Variants in PDGFD observed in about 807,000 individuals in gnomAD.
PDGFD encodes the protein platelet derived growth factor D.
In PDGFD, 30 loss-of-function variants were observed where a neutral mutation model predicts 44.7. The ratio of observed to expected loss-of-function variants is 0.67; its 90% confidence interval spans 0.50 to 0.91. PDGFD has a LOEUF of 0.91. PDGFD is among the 40% of genes least tolerant of loss of function. PDGFD has a pLI of 0.00. For synonymous variants in PDGFD, 173 were observed against 168.4 expected (o/e 1.03, Z -0.21); for missense variants, 445 against 457.8 (o/e 0.97, Z 0.25).
At chr11:104,126,834 T>C (rs980750330) in intron 1 of PDGFD, among the ~76,000 whole-genome samples, 9 of 149,144 alleles carry the variant, frequency 6.0e-5, no homozygotes, top group African/African-American at 1.2e-4. Context: ...CAGGAATAGA[T>C]GGAAAGCACT....
chr11:104,065,129 C>T (rs754162303), intron 1 of PDGFD, among the ~76,000 whole-genome samples: 2 of 152,134 alleles, frequency 1.3e-5, no homozygotes, highest in Non-Finnish European at 2.9e-5. Flanking sequence ...ATGCTTTCTG[C>T]CCTCAAACAT....
rs139116611 is a variant in PDGFD, at chr11:104,080,810, G to A, written c.125-80555C>T. 4.6e-5 allele frequency among the ~76,000 whole-genome samples: 7 copies of A among 152,298 alleles called. No individual in the cohort carries two copies. In the East Asian group the frequency reaches 1.2e-3, roughly 25 times the overall value. ...AAAAGACATTGCAGTTTCCACCCTAGCCTCATGAATTGCTCGCTCTGGTTG... is the reference window on the plus strand; with the variant it reads ...AAAAGACATTGCAGTTTCCACCCTAACCTCATGAATTGCTCGCTCTGGTTG... On this transcript the variant is annotated intron_variant, in intron 1 of 6. Transcript: ENST00000393158.
chr11:104,080,168 C>T lies in PDGFD; in HGVS notation c.125-79913G>A, dbSNP rs191035853. ...CTTTTTATGTCTGAGTCATTAAAAT[C>T]TGTTGTTAGCACTGCCCTGATCTAA... On this transcript the variant is annotated intron_variant, in intron 1 of 6. Transcript: ENST00000393158. Among the ~76,000 whole-genome samples the T allele has an allele frequency of 4.6e-3, 695 of 152,256 alleles. 11 individuals carry two copies. The highest frequency in any genetic ancestry group is 0.021 in the South Asian group (101 of 4,824).
At chr11:103,918,461 A>G (rs1858160386) in intron 6 of PDGFD, among the ~76,000 whole-genome samples, 1 of 152,178 alleles carries the variant, frequency 6.6e-6, no homozygotes, top group Non-Finnish European at 1.5e-5. Context: ...AAGGCCTAAT[A>G]ATTTGTGATG....
At chr11:103,935,613 C>T (rs1210686579) in intron 5 of PDGFD, among the ~76,000 whole-genome samples, 1 of 152,090 alleles carries the variant, frequency 6.6e-6, no homozygotes, top group Non-Finnish European at 1.5e-5. Flanking sequence ...TTAAATAAGA[C>T]AATATTTGCC....
Position 104,136,371 on chromosome 11 carries a change from A to T in PDGFD, c.124+27433T>A, listed in dbSNP as rs192356668. ...GAGTGTTTACCTTCCTTTCCTCAAA[A>T]AACCCAGCAATCCTCATCTCCCAGT... On this transcript the variant is annotated intron_variant, in intron 1 of 6. Coordinates refer to ENST00000393158, the MANE Select transcript of PDGFD (RefSeq NM_025208.5). 6.6e-5 allele frequency among the ~76,000 whole-genome samples: 10 copies of T among 152,322 alleles called. No homozygotes were observed. The East Asian group carries it at 1.9e-3, about 29-fold the overall frequency.
chr11:103,965,529 C>T (rs1859005104), intron 3 of PDGFD, among the ~76,000 whole-genome samples: 1 of 152,148 alleles, frequency 6.6e-6, no homozygotes. Flanking sequence ...TGCACAATAT[C>T]GTGTGCACTG....
intron 1 of PDGFD, among the ~76,000 whole-genome samples, chr11:104,128,754 T>C (rs1178690956): frequency 2.0e-5 from 3 of 152,142 alleles, no homozygotes; most frequent in Admixed American, 6.6e-5. Context: ...GAATCATACC[T>C]ACCTGGAAGA....
intron 1 of PDGFD, among the ~76,000 whole-genome samples, chr11:104,055,630 A>T (rs1161465808): frequency 6.6e-6 from 1 of 152,228 alleles, no homozygotes; most frequent in African/African-American, 2.4e-5. Context: ...AAAACACACT[A>T]TTAAGGTGAC....
chr11:104,103,462 G>GTGTGTAAA (rs1041388346), intron 1 of PDGFD, among the ~76,000 whole-genome samples: 11 of 133,266 alleles, frequency 8.3e-5, no homozygotes, highest in Middle Eastern at 4.3e-3. Context: ...GTGTGTGTGT[G>GTGTGTAAA]TATATATATA....
At chr11:104,156,566 A>G (rs868500338) in intron 1 of PDGFD, among the ~76,000 whole-genome samples, 1 of 152,126 alleles carries the variant, frequency 6.6e-6, no homozygotes, top group African/African-American at 2.4e-5. Context: ...TGCCTGGGCT[A>G]TGATGCTTCC....
intron 5 of PDGFD, among the ~76,000 whole-genome samples, chr11:103,932,018 T>C (rs943183369): frequency 2.6e-5 from 4 of 152,130 alleles, no homozygotes; most frequent in Non-Finnish European, 4.4e-5. Flanking sequence ...TGCTATATTA[T>C]TTTAATCTTC....
rs1862281696 is a variant in PDGFD, at chr11:104,154,553, T to C, written c.124+9251A>G. On this transcript the variant is annotated intron_variant, in intron 1 of 6. Coordinates refer to ENST00000393158, the MANE Select transcript of PDGFD (RefSeq NM_025208.5). ...CAGGGGAGGAGAGGAGGAAGAGACA[T>C]TGAGTTGTGATGGTAAAGTGAAGAG... Among the ~76,000 whole-genome samples, 5 of 152,208 alleles carry C rather than the reference T, an allele frequency of 3.3e-5. No individual in the cohort carries two copies. In the South Asian group the frequency reaches 1.0e-3, roughly 32 times the overall value.
intron 1 of PDGFD, among the ~76,000 whole-genome samples, chr11:104,159,153 CAA>C (rs765727400): frequency 1.1e-4 from 7 of 66,548 alleles, no homozygotes; most frequent in Non-Finnish European, 5.8e-5. Context: ...GACTCCATCT[CAA>C]AAAAAAAAAA....
intron 1 of PDGFD, among the ~76,000 whole-genome samples, chr11:104,108,301 C>T (rs1198222218): frequency 6.6e-6 from 1 of 151,938 alleles, no homozygotes; most frequent in Non-Finnish European, 1.5e-5. Flanking sequence ...TTGCAATCTA[C>T]TCATCTGACA....
intron 1 of PDGFD, among the ~76,000 whole-genome samples, chr11:104,150,834 T>C (rs1055588805): frequency 3.3e-5 from 5 of 152,060 alleles, no homozygotes; most frequent in African/African-American, 9.7e-5. Flanking sequence ...TTCAGGAAAA[T>C]CTCCCATCTC....
chr11:104,021,605 A>G (rs1859955524), intron 1 of PDGFD, among the ~76,000 whole-genome samples: 2 of 152,176 alleles, frequency 1.3e-5, no homozygotes, highest in African/African-American at 4.8e-5. Flanking sequence ...GCCAAAGATA[A>G]AAAACAAATA....
At chr11:104,144,930 AC>A (rs1279189158) in intron 1 of PDGFD, among the ~76,000 whole-genome samples, 1 of 152,242 alleles carries the variant, frequency 6.6e-6, no homozygotes, top group Non-Finnish European at 1.5e-5. Context: ...AGGTGTTACT[AC>A]TACTTGTAGT....
chr11:104,030,412 T>C (rs1222226558), intron 1 of PDGFD, among the ~76,000 whole-genome samples: 13 of 152,190 alleles, frequency 8.5e-5, no homozygotes, highest in Admixed American at 5.9e-4. Flanking sequence ...TGAAGAAATC[T>C]TCACGAACTC....
Sources: gnomAD v4.1 joint callset for allele counts (sites outside exome capture counted in the v4.1 genomes callset) on GRCh38, gnomAD v4.1.1 for gene constraint, MANE v1.5 for transcripts, NCBI Gene and HGNC (gene_info 2026-07-23, HGNC 2026-07-21) for gene names.